SOBP: variants seen among roughly 807,000 people sequenced by gnomAD.
SOBP encodes sine oculis-binding protein homolog.
In SOBP, 4 loss-of-function variants were observed where a neutral mutation model predicts 53.6. The observed-to-expected ratio is 0.07, with a 90% CI of 0.04 to 0.17. The LOEUF (loss-of-function observed/expected upper bound fraction) is 0.17, where lower values mean the gene tolerates loss of function less well. Among genes scored for constraint, SOBP ranks in the 10% least tolerant of loss-of-function variants. SOBP has a pLI of 1.00. For missense variants in SOBP, 1,088 were observed against 1,204.7 expected (o/e 0.90, Z 1.43); for synonymous variants, 584 against 522.6 (o/e 1.12, Z -1.60).
chr6:107,636,707 GC>G (rs746761577), intron 6 of SOBP, among the ~76,000 whole-genome samples: 2 of 152,154 alleles, frequency 1.3e-5, no homozygotes, highest in African/African-American at 2.4e-5. Context: ...ATGATGGCGT[GC>G]CCCCATCTGG....
At chr6:107,503,607 A>T (rs1299670378) in intron 1 of SOBP, 50 bp from the exon 2 acceptor site, 1 of 1,600,722 alleles carries the variant, frequency 6.2e-7, no homozygotes, top group South Asian at 1.1e-5. Context: ...CATTCTTTTC[A>T]AGTAGTTATT....
At chr6:107,504,722 T>G (rs1490036172) in intron 2 of SOBP, among the ~76,000 whole-genome samples, 1 of 152,256 alleles carries the variant, frequency 6.6e-6, no homozygotes, top group Non-Finnish European at 1.5e-5. Context: ...CCTTCTTATA[T>G]GCCAAGCAAG....
At chr6:107,571,563 T>C (rs773000388) in intron 4 of SOBP, among the ~76,000 whole-genome samples, 1 of 152,186 alleles carries the variant, frequency 6.6e-6, no homozygotes, top group African/African-American at 2.4e-5. Context: ...TTCTCATTCA[T>C]TTGGTAATTG....
rs908866332 is a variant in SOBP at position 107,490,554 on chromosome 6, GCCACCAC to G, written c.-61_-55del. 16 of 1,253,118 alleles carry G rather than the reference GCCACCAC, an allele frequency of 1.3e-5. 1 individual carries two copies. The highest frequency in any genetic ancestry group is 1.2e-4 in the African/African-American group (8 of 66,172). The allele number at this position is 1,253,118 out of a possible 1,614,324, so 77.6% of individuals were successfully genotyped here. On this transcript the variant is annotated 5_prime_UTR_variant, in exon 1 of 7. Coordinates refer to ENST00000317357, the MANE Select transcript of SOBP (RefSeq NM_018013.4). ...CACCACCTCCACCGCCGCCGCCGCC[GCCACCAC>G]CACCGCCGGCGGCGGCAGCAGCCAT...
chr6:107,520,155 TGG>T (rs1304165345), intron 3 of SOBP, among the ~76,000 whole-genome samples: 1 of 152,018 alleles, frequency 6.6e-6, no homozygotes, highest in African/African-American at 2.4e-5. Context: ...AATCCTCCTA[TGG>T]TAGGGGTAAG....
chr6:107,636,573 CAAACAGGCCA>C (rs1771053423), intron 6 of SOBP, among the ~76,000 whole-genome samples: 1 of 152,208 alleles, frequency 6.6e-6, no homozygotes, highest in African/African-American at 2.4e-5. Flanking sequence ...AAGCGGGCAT[CAAACAGGCCA>C]AAATTCAGTT....
At chr6:107,500,715 TG>T (rs1055411521) in intron 1 of SOBP, among the ~76,000 whole-genome samples, 5 of 142,874 alleles carry the variant, frequency 3.5e-5, no homozygotes, top group Non-Finnish European at 7.7e-5. Flanking sequence ...TAGAGACGGA[TG>T]GGGTTTCACC....
intron 4 of SOBP, among the ~76,000 whole-genome samples, chr6:107,583,808 A>T (rs1244829716): frequency 1.3e-5 from 2 of 152,186 alleles, no homozygotes; most frequent in East Asian, 1.9e-4. Context: ...AGTGTTCCTT[A>T]TCCAAAATGC....
At chr6:107,521,949 CACACACACACAAACTCAA>C (rs1298614863) in intron 3 of SOBP, among the ~76,000 whole-genome samples, 10 of 140,030 alleles carry the variant, frequency 7.1e-5, no homozygotes, top group African/African-American at 2.7e-4. Context: ...CACACACACA[CACACACACACAAACTCAA>C]TCAAGTCTGA....
At chr6:107,603,193 G>A (rs1172986752) in intron 5 of SOBP, among the ~76,000 whole-genome samples, 1 of 152,214 alleles carries the variant, frequency 6.6e-6, no homozygotes, top group Admixed American at 6.5e-5. Context: ...GGCATTTTGT[G>A]TGCTGTTTTC....
chr6:107,518,752 T>TG (rs1783397043), intron 3 of SOBP, among the ~76,000 whole-genome samples: 1 of 112,332 alleles, frequency 8.9e-6, no homozygotes, highest in African/African-American at 2.7e-5. Flanking sequence ...GAAAGGCTGT[T>TG]TTTTTTTTTT....
At chr6:107,627,082 T>C (rs1358402410) in intron 5 of SOBP, among the ~76,000 whole-genome samples, 1 of 152,210 alleles carries the variant, frequency 6.6e-6, no homozygotes, top group Non-Finnish European at 1.5e-5. Flanking sequence ...TTGAATTTTT[T>C]AGTTTCCATC....
At chr6:107,507,031 A>C (rs1418670380) in intron 3 of SOBP, among the ~76,000 whole-genome samples, 2 of 151,258 alleles carry the variant, frequency 1.3e-5, no homozygotes, top group Non-Finnish European at 3.0e-5. Flanking sequence ...ACGCCACTGC[A>C]CTCCAACCTG....
In SOBP at chr6:107,656,287, A is replaced by G. The variant is rs7753667; in HGVS notation, c.*4-1920A>G. Among the ~76,000 whole-genome samples, 412 of 124,346 alleles carry G rather than the reference A, an allele frequency of 3.3e-3. 4 individuals are homozygous for G. The highest frequency in any genetic ancestry group is 0.014 in the East Asian group (54 of 3,816). The allele number at this position is 124,346 out of a possible 152,430, so 81.6% of individuals were successfully genotyped here. A position where few individuals can be genotyped will look rare whatever the true frequency, so the allele number is the denominator to read the frequency against. On this transcript the variant is annotated intron_variant, in intron 6 of 6. Coordinates refer to ENST00000317357, the MANE Select transcript of SOBP (RefSeq NM_018013.4). ...TGTCACTTATTCTTGAGAAAGAAAG[A>G]AAAGAAAGAAAGAAAGAAAGAAAGA...
intron 4 of SOBP, among the ~76,000 whole-genome samples, chr6:107,582,916 A>G (rs1444922238): frequency 6.6e-6 from 1 of 152,202 alleles, no homozygotes; most frequent in Non-Finnish European, 1.5e-5. Flanking sequence ...CAATAATAAA[A>G]CCAGCTAAAA....
chr6:107,624,786 AG>A (rs1770384139), intron 5 of SOBP, among the ~76,000 whole-genome samples: 1 of 152,220 alleles, frequency 6.6e-6, no homozygotes, highest in Non-Finnish European at 1.5e-5. Flanking sequence ...ACCTATGTGT[AG>A]AAGGAAACCC....
intron 5 of SOBP, among the ~76,000 whole-genome samples, chr6:107,612,484 ATCAGG>A (rs1786635159): frequency 6.6e-6 from 1 of 152,214 alleles, no homozygotes; most frequent in African/African-American, 2.4e-5. Context: ...TTCCAGCAGC[ATCAGG>A]TCACCTGGGA....
chr6:107,511,802 A>G (rs904892089), intron 3 of SOBP: 1 of 151,806 alleles, frequency 6.6e-6, no homozygotes, highest in Non-Finnish European at 1.5e-5. Flanking sequence ...CTGGCCACAC[A>G]TGTGTGCATT....
intron 4 of SOBP, among the ~76,000 whole-genome samples, chr6:107,534,135 T>C (rs1783923326): frequency 6.6e-6 from 1 of 152,172 alleles, no homozygotes. Flanking sequence ...TGAGAAAAGA[T>C]GAAATCATGA....
Sources: gnomAD v4.1 joint callset for allele counts (sites outside exome capture counted in the v4.1 genomes callset) on GRCh38, gnomAD v4.1.1 for gene constraint, MANE v1.5 for transcripts, NCBI Gene and HGNC (gene_info 2026-07-23, HGNC 2026-07-21) for gene names.